The following ITGA4 variants were observed in gnomAD, a reference collection of about 807,000 sequenced individuals.
ITGA4 encodes integrin alpha-4.
A neutral mutation model predicts 133.6 loss-of-function variants in ITGA4; 63 were observed. The observed-to-expected ratio is 0.47, with a 90% CI of 0.38 to 0.58. The LOEUF is 0.58. Among genes scored for constraint, ITGA4 ranks in the 20% least tolerant of loss-of-function variants. ITGA4 has a pLI of 0.00. For synonymous variants in ITGA4, 483 were observed against 438.0 expected, an observed-to-expected ratio of 1.10 and a Z score of -1.28; for missense variants, 1,076 against 1,252.7, an observed-to-expected ratio of 0.86 and a Z score of 2.13.
rs553792293 is a variant in ITGA4 at position 181,537,819 on chromosome 2, A to G, written c.*2292A>G. The stretch of plus-strand genomic sequence containing the variant: ...CTTGACTTTTAAAGCCCTAGAGGCT[A>G]ATTGTTAGTAACATCAATTTCTATT... On this transcript the variant is annotated 3_prime_UTR_variant, in exon 28 of 28. Transcript: ENST00000397033. 3 of 475,940 alleles carry G rather than the reference A, an allele frequency of 6.3e-6. No homozygotes were observed. Among genetic ancestry groups the G allele is most frequent in the Admixed American group, 4.6e-5 (2 of 43,272 alleles). The allele number at this position is 475,940 out of a possible 1,614,324, so 29.5% of individuals were successfully genotyped here.
In ITGA4 at chr2:181,531,643, A is replaced by G; in HGVS notation, c.2665-14A>G. On this transcript the variant is annotated splice_polypyrimidine_tract_variant and intron_variant, in intron 24 of 27. Coordinates refer to ENST00000397033, the MANE Select transcript of ITGA4 (RefSeq NM_000885.6). ...TTGAAAATTTTAATGTAGCACTTTT[A>G]TATTCCCTTCAAGTACTGCATAAAA... The G allele has an allele frequency of 2.0e-6, 3 of 1,511,818 alleles. No homozygotes were observed. The highest frequency in any genetic ancestry group is 2.7e-6 in the Non-Finnish European group (3 of 1,117,914). The allele number at this position is 1,511,818 out of a possible 1,614,324, so 93.7% of individuals were successfully genotyped here.
intron 9 of ITGA4, 127 bp downstream of exon 9, chr2:181,482,778 T>C: frequency 1.3e-6 from 1 of 767,632 alleles, no homozygotes; most frequent in Non-Finnish European, 2.1e-6. Context: ...ATTCTAATAC[T>C]GTACTGATGC....
In ITGA4 at chr2:181,536,132, G is replaced by T. The variant is rs1212679532; in HGVS notation, c.*605G>T. The stretch of plus-strand genomic sequence containing the variant: ...TATTATAGTATTATAGGCCAAACTG[G>T]CAAACTTCAGACTGAACATGTACAC... On this transcript the variant is annotated 3_prime_UTR_variant, in exon 28 of 28. Transcript: ENST00000397033. 1 of 151,874 alleles carries T rather than the reference G, an allele frequency of 6.6e-6. No individual in the cohort carries two copies. Among genetic ancestry groups the T allele is most frequent in the Non-Finnish European group, 1.5e-5 (1 of 67,940 alleles). 9.4% of individuals were successfully genotyped at this position (151,874 alleles called of 1,614,324 possible). A position where few individuals can be genotyped will look rare whatever the true frequency, so the allele number is the denominator to read the frequency against.
chr2:181,470,878 AAAAAAT>A (rs899957083), intron 2 of ITGA4, among the ~76,000 whole-genome samples: 35 of 152,130 alleles, frequency 2.3e-4, no homozygotes, highest in Non-Finnish European at 4.1e-4. Flanking sequence ...CTATCTCCCT[AAAAAAT>A]AAAAAGAGAA....
intron 15 of ITGA4, among the ~76,000 whole-genome samples, chr2:181,505,719 C>T (rs1244595693): frequency 1.3e-5 from 2 of 151,930 alleles, no homozygotes; most frequent in Non-Finnish European, 2.9e-5. Context: ...GTAAGAAAAG[C>T]GTAATTAATA....
At chr2:181,482,031 C>T (rs1276684333) in intron 7 of ITGA4, among the ~76,000 whole-genome samples, 1 of 152,100 alleles carries the variant, frequency 6.6e-6, no homozygotes, top group Non-Finnish European at 1.5e-5. Context: ...AAATATTATT[C>T]CTGGTTTTAG....
At chr2:181,476,422 A>G (rs1685678530) in intron 4 of ITGA4, among the ~76,000 whole-genome samples, 1 of 152,198 alleles carries the variant, frequency 6.6e-6, no homozygotes, top group African/African-American at 2.4e-5. Flanking sequence ...CTGACCAGAA[A>G]TGGTCATTAT....
At position 181,524,439 on chromosome 2, in the gene ITGA4, T is replaced by C. The variant is rs1039388909; in HGVS notation, c.2249+189T>C. Reference sequence around the variant, plus strand: ...TGGCAATGTTTTAGCTCTTGAGCTATGTTAAGTATTTATTAGATTAGATTA... The same window carrying C: ...TGGCAATGTTTTAGCTCTTGAGCTACGTTAAGTATTTATTAGATTAGATTA... On this transcript the variant is annotated intron_variant, in intron 20 of 27. Coordinates refer to ENST00000397033, the MANE Select transcript of ITGA4 (RefSeq NM_000885.6). The C allele has an allele frequency of 1.2e-5, 6 of 485,732 alleles. No individual in the cohort carries two copies. The South Asian group carries it at 1.6e-4, about 13-fold the overall frequency. The allele number at this position is 485,732 out of a possible 1,614,324, so 30.1% of individuals were successfully genotyped here. A position where few individuals can be genotyped will look rare whatever the true frequency, so the allele number is the denominator to read the frequency against.
intron 2 of ITGA4, among the ~76,000 whole-genome samples, chr2:181,472,874 C>G (rs1313354733): frequency 6.6e-6 from 1 of 152,070 alleles, no homozygotes; most frequent in African/African-American, 2.4e-5. Context: ...ACACGGAGAC[C>G]TTATGTGTCC....
chr2:181,497,803 T>C (rs1451182938), intron 14 of ITGA4, among the ~76,000 whole-genome samples: 2 of 152,168 alleles, frequency 1.3e-5, no homozygotes, highest in African/African-American at 4.8e-5. Flanking sequence ...AGAACTCATT[T>C]AGATTCATGA....
chr2:181,509,153 A>T (rs1013203466), intron 15 of ITGA4, among the ~76,000 whole-genome samples: 6,380 of 15,522 alleles, frequency 0.41, 914 homozygotes, highest in Middle Eastern at 0.6. Context: ...AAAAAAAAAA[A>T]AAAAAAAAAA....
At chr2:181,475,338 C>G in intron 4 of ITGA4, 50 bp downstream of exon 4, 2 of 1,410,954 alleles carry the variant, frequency 1.4e-6, no homozygotes, top group Non-Finnish European at 2.0e-6. Context: ...AAGTGAATAC[C>G]TTTTAGTGTT....
At chr2:181,527,490 G>A (rs765983022) in intron 22 of ITGA4, 103 bp downstream of exon 22, 7 of 736,488 alleles carry the variant, frequency 9.5e-6, no homozygotes, top group Non-Finnish European at 1.6e-5. Flanking sequence ...TTCAGCCTCT[G>A]CAGACCACAG....
At chr2:181,497,518 TATTATA>T (rs1686180161) in intron 14 of ITGA4, among the ~76,000 whole-genome samples, 1 of 152,198 alleles carries the variant, frequency 6.6e-6, no homozygotes, top group South Asian at 2.1e-4. Flanking sequence ...GAATCTCAGT[TATTATA>T]ATTTTGAAAT....
chr2:181,504,045 T>C (rs1347564586), intron 15 of ITGA4, among the ~76,000 whole-genome samples: 1 of 152,044 alleles, frequency 6.6e-6, no homozygotes, highest in Non-Finnish European at 1.5e-5. Context: ...TGCATCAAAA[T>C]ATCCACTGAT....
At chr2:181,470,911 A>G (rs1399052253) in intron 2 of ITGA4, among the ~76,000 whole-genome samples, 1 of 152,134 alleles carries the variant, frequency 6.6e-6, no homozygotes, top group Non-Finnish European at 1.5e-5. Context: ...CCAGAAATTA[A>G]GAAAAAACCC....
At position 181,524,155 on chromosome 2, in the gene ITGA4, G is replaced by A. The variant is rs1686785272; in HGVS notation, c.2170-16G>A. On this transcript the variant is annotated splice_polypyrimidine_tract_variant and intron_variant, in intron 19 of 27. Transcript: ENST00000397033. ...AAGATTTTTTTTAATGGGCTTTCCTGGTCTGTGTTTTACAGATAGATATTA... is the reference window on the plus strand; with the variant it reads ...AAGATTTTTTTTAATGGGCTTTCCTAGTCTGTGTTTTACAGATAGATATTA... The A allele has an allele frequency of 6.4e-7, 1 of 1,551,492 alleles. No homozygotes were observed. The highest frequency in any genetic ancestry group is 8.8e-7 in the Non-Finnish European group (1 of 1,141,610).
intron 14 of ITGA4, 67 bp from the exon 15 acceptor site, chr2:181,498,556 C>A (rs1686204425): frequency 2.1e-6 from 2 of 966,296 alleles, no homozygotes; most frequent in Non-Finnish European, 3.1e-6. Context: ...TAACTATTAT[C>A]ACTTCAAAAA....
chr2:181,475,263 T>C lies in ITGA4; in HGVS notation c.531T>C (p.Ser177=). The C allele has an allele frequency of 6.2e-7, 1 of 1,612,982 alleles. No individual in the cohort carries two copies. The highest frequency in any genetic ancestry group is 8.5e-7 in the Non-Finnish European group (1 of 1,178,974). The change falls in exon 4 of 28, where the codon AGT becomes AGC. Residue 177 remains serine (S), a synonymous_variant. Transcript: ENST00000397033. The stretch of plus-strand genomic sequence containing the variant: ...CCCCTGATTTACGAACAGAACTGAG[T>C]AAAAGAATAGCTCCGTGTTATCAAG... The part of the protein sequence containing the change: ...GVPPDLRTEL[S]KRIAPCYQDY...
Sources: allele counts gnomAD v4.1 joint callset (sites outside exome capture counted in the v4.1 genomes callset), GRCh38; gene constraint gnomAD v4.1.1; transcripts MANE v1.5; gene names NCBI Gene and HGNC (gene_info 2026-07-23, HGNC 2026-07-21).